The following PBRM1 variants were observed in gnomAD, a reference collection of about 807,000 sequenced individuals.
PBRM1 encodes the protein protein polybromo-1.
In PBRM1, 27 loss-of-function variants were observed where a neutral mutation model predicts 194.5. The observed-to-expected ratio is 0.14, with a 90% confidence interval of 0.10 to 0.19. The LOEUF (loss-of-function observed/expected upper bound fraction) is 0.19, where lower values mean the gene tolerates loss of function less well. Ranked by LOEUF, PBRM1 falls within the 10% of genes least tolerant of loss-of-function variation. The pLI, the probability that PBRM1 is intolerant of heterozygous loss-of-function variation, is 1.00. For missense variants in PBRM1, 1,466 were observed against 2,077.2 expected (o/e 0.71, Z 5.72); for synonymous variants, 655 against 693.2 (o/e 0.94, Z 0.87).
At chr3:52,580,666 ATGCTC>A (rs2090934945) in intron 20 of PBRM1, among the ~76,000 whole-genome samples, 2 of 152,258 alleles carry the variant, frequency 1.3e-5, no homozygotes, top group Admixed American at 1.3e-4. Flanking sequence ...CCAGCCAAAC[ATGCTC>A]TGTTTTTTAA....
chr3:52,684,558 G>T (rs1335316696), upstream of PBRM1, among the ~76,000 whole-genome samples: 1 of 152,102 alleles, frequency 6.6e-6, no homozygotes, highest in East Asian at 1.9e-4. Context: ...TTGTCATTCG[G>T]TTTTTGGTAT....
chr3:52,649,101 T>G (rs2096413218), intron 6 of PBRM1, among the ~76,000 whole-genome samples: 1 of 151,766 alleles, frequency 6.6e-6, no homozygotes, highest in African/African-American at 2.4e-5. Flanking sequence ...AAATGGAAGG[T>G]GGAGAAGGGT....
At chr3:52,565,876 C>T (rs1247027596) in intron 22 of PBRM1, among the ~76,000 whole-genome samples, 5 of 151,994 alleles carry the variant, frequency 3.3e-5, no homozygotes, top group Non-Finnish European at 7.4e-5. Context: ...CGGTGAAACC[C>T]CGTCTCTACT....
At position 52,609,889 on chromosome 3, in the gene PBRM1, T is replaced by C. The variant is rs1315914230; in HGVS notation, c.1991A>G (p.Glu664Gly). The change falls in exon 16 of 30, where the codon GAG (glutamate) becomes GGG (glycine). Residue 664 changes from glutamate (E) to glycine (G), a missense_variant. Physicochemically the swap from Glu to Gly is moderately conservative, Grantham distance 98 (BLOSUM62 -2). Around this residue, in one of 5 missense-constraint regions of PBRM1, gnomAD observed 687 missense variants for 946.2 expected, o/e 0.73. Coordinates refer to ENST00000296302, the Ensembl canonical transcript of PBRM1. The surrounding 1 kb of genome is among the most constrained non-coding windows in gnomAD (Gnocchi z 4.1). Reference sequence around the variant, plus strand: ...ATAGTTCTTTACAGCTTCATAGACCTCATTTAGTTTCTGCTGCATTGGAGT... The same window carrying C: ...ATAGTTCTTTACAGCTTCATAGACCCCATTTAGTTTCTGCTGCATTGGAGT... The C allele has an allele frequency of 1.3e-6, 2 of 1,568,934 alleles. No homozygotes were observed. Among genetic ancestry groups the C allele is most frequent in the Non-Finnish European group, 1.7e-6 (2 of 1,158,610 alleles).
At chr3:52,579,237 T>G in intron 20 of PBRM1, 38 bp from the exon 23 acceptor site, 1 of 1,586,244 alleles carries the variant, frequency 6.3e-7, no homozygotes. Context: ...AGGTAGTTGA[T>G]AATCAAGGAA....
intron 2 of PBRM1, among the ~76,000 whole-genome samples, chr3:52,672,321 A>G (rs1182640783): frequency 1.3e-5 from 2 of 152,126 alleles, no homozygotes; most frequent in Admixed American, 6.6e-5. Context: ...AACCGCTCCA[A>G]TTCAAGATCA....
chr3:52,607,427 C>T (rs1375134654), intron 16 of PBRM1, among the ~76,000 whole-genome samples: 1 of 152,084 alleles, frequency 6.6e-6, no homozygotes, highest in Non-Finnish European at 1.5e-5. Context: ...AAAAAACAAC[C>T]ATGTCAACAA....
chr3:52,589,588 G>A (rs967786673), intron 17 of PBRM1, among the ~76,000 whole-genome samples: 2 of 152,024 alleles, frequency 1.3e-5, no homozygotes, highest in South Asian at 2.1e-4. Context: ...ATGTCGTTTC[G>A]AATCAAGTAA....
chr3:52,649,041 G>A (rs1261480892), intron 6 of PBRM1, among the ~76,000 whole-genome samples: 1 of 152,074 alleles, frequency 6.6e-6, no homozygotes, highest in African/African-American at 2.4e-5. Flanking sequence ...GTAAGTACAT[G>A]GAAATGAAAA....
upstream of PBRM1, among the ~76,000 whole-genome samples, chr3:52,683,979 T>A (rs1578491270): frequency 6.6e-6 from 1 of 152,044 alleles, no homozygotes; most frequent in Non-Finnish European, 1.5e-5. Flanking sequence ...AAGACCAGAC[T>A]GGATAACATA....
intron 3 of PBRM1, among the ~76,000 whole-genome samples, chr3:52,666,552 T>G (rs368568584): frequency 4.2e-5 from 6 of 141,880 alleles, no homozygotes; most frequent in African/African-American, 1.3e-4. Context: ...AAAAAAGAAA[T>G]GGCAAAGGGT....
chr3:52,611,476 T>C (rs967688868), intron 15 of PBRM1, among the ~76,000 whole-genome samples: 2 of 151,992 alleles, frequency 1.3e-5, no homozygotes, highest in Non-Finnish European at 2.9e-5. Flanking sequence ...TACCAATTTA[T>C]AGGAAATACA....
At chr3:52,575,387 T>C (rs753315751) in intron 22 of PBRM1, among the ~76,000 whole-genome samples, 8 of 151,616 alleles carry the variant, frequency 5.3e-5, no homozygotes, top group Non-Finnish European at 1.2e-4. Flanking sequence ...CAAAAAATTA[T>C]CAGGCATGCA....
intron 1 of PBRM1, 88 bp downstream of exon 2, chr3:52,679,486 C>G (rs1323778971): frequency 5.9e-5 from 70 of 1,190,550 alleles, no homozygotes; most frequent in Non-Finnish European, 8.3e-5. Flanking sequence ...AGTGGAGATG[C>G]CTTGCATCGT....
rs746614455 is a variant in PBRM1, at chr3:52,679,598, A to C, written c.114T>G (p.Leu38=). ...CAGGATCTACAGTTGGAAGATTGGA[A>C]AGTCTCCTCCTTTTCCTGCTTGGGC... Residue 38 remains leucine (L), a synonymous_variant, in exon 1 of 30, where the codon CTT becomes CTG. Transcript: ENST00000296302. 5.0e-6 allele frequency: 8 copies of C among 1,613,374 alleles called. No homozygotes were observed. The Admixed American group carries it at 1.3e-4, about 27-fold the overall frequency.
At chr3:52,606,131 T>TG (rs1313346752) in intron 16 of PBRM1, among the ~76,000 whole-genome samples, 1 of 152,048 alleles carries the variant, frequency 6.6e-6, no homozygotes, top group Non-Finnish European at 1.5e-5. Flanking sequence ...CTCGAGTAGC[T>TG]GGGACTATAG....
intron 17 of PBRM1, among the ~76,000 whole-genome samples, chr3:52,590,821 C>T (rs537323482): frequency 2.0e-5 from 3 of 152,090 alleles, no homozygotes; most frequent in South Asian, 2.1e-4. Flanking sequence ...TAATTTCATA[C>T]GATTAGGACT....
chr3:52,663,337 A>C (rs1236887094), intron 3 of PBRM1, among the ~76,000 whole-genome samples: 1 of 152,232 alleles, frequency 6.6e-6, no homozygotes, highest in Non-Finnish European at 1.5e-5. Context: ...TGGGAACTCA[A>C]ATCAGTTTCT....
At position 52,674,557 on chromosome 3, in the gene PBRM1, A is replaced by G. The variant is rs1482726297; in HGVS notation, c.236+3943T>C. Reference sequence around the variant, plus strand: ...GTGATCCTAGCACTTCGGGAGGCCAAGGTAGGAGGATCACTTGAGCCCAGG... The same window carrying G: ...GTGATCCTAGCACTTCGGGAGGCCAGGGTAGGAGGATCACTTGAGCCCAGG... On this transcript the variant is annotated intron_variant, in intron 2 of 29. Coordinates refer to ENST00000296302, the Ensembl canonical transcript of PBRM1. Among the ~76,000 whole-genome samples the G allele has an allele frequency of 2.0e-5, 3 of 147,642 alleles. No homozygotes were observed. The East Asian group carries it at 5.9e-4, about 29-fold the overall frequency.
Sources: gnomAD v4.1 joint callset for allele counts (sites outside exome capture counted in the v4.1 genomes callset) on GRCh38, gnomAD v4.1.1 for gene constraint, gnomAD v4.1.1 regional missense constraint, Gnocchi (gnomAD v3.1) non-coding constraint, MANE v1.5 for transcripts, NCBI Gene and HGNC (gene_info 2026-07-23, HGNC 2026-07-21) for gene names.